TTC12: variants seen among roughly 807,000 people sequenced by gnomAD.
TTC12 encodes tetratricopeptide repeat protein 12.
TTC12 carries 70 observed loss-of-function variants against 90.1 expected under a neutral mutation model. The ratio of observed to expected loss-of-function variants is 0.78; its 90% CI spans 0.64 to 0.95. The LOEUF is 0.95. Among genes scored for constraint, TTC12 ranks in the 40% least tolerant of loss-of-function variants. TTC12 has a pLI of 0.00. For missense variants in TTC12, 819 were observed against 846.1 expected, an observed-to-expected ratio of 0.97 and a Z score of 0.40; for synonymous variants, 296 against 311.5, an observed-to-expected ratio of 0.95 and a Z score of 0.53.
downstream of TTC12, among the ~76,000 whole-genome samples, chr11:113,367,661 G>A (rs1163931449): frequency 6.6e-6 from 1 of 152,236 alleles, no homozygotes; most frequent in East Asian, 1.9e-4. Flanking sequence ...TAAGGCAGCT[G>A]TTGGCTTAAA....
intron 13 of TTC12, among the ~76,000 whole-genome samples, chr11:113,346,847 A>G (rs556868251): frequency 2.6e-5 from 4 of 152,144 alleles, no homozygotes; most frequent in South Asian, 4.2e-4. Flanking sequence ...CTCTTAGGGT[A>G]TATTGTTTAG....
chr11:113,350,355 A>G (rs868933262), intron 14 of TTC12, among the ~76,000 whole-genome samples, 190 bp downstream of exon 14: 7 of 152,170 alleles, frequency 4.6e-5, no homozygotes, highest in Admixed American at 2.0e-4. Context: ...GTCACTCTGC[A>G]TAGAGGCTGA....
chr11:113,354,127 T>C (rs1949481950), intron 16 of TTC12, among the ~76,000 whole-genome samples: 1 of 152,234 alleles, frequency 6.6e-6, no homozygotes. Flanking sequence ...TTGTGTTATC[T>C]CTGATTTCTT....
chr11:113,339,949 A>G (rs1453121196), intron 10 of TTC12, among the ~76,000 whole-genome samples: 1 of 152,116 alleles, frequency 6.6e-6, no homozygotes, highest in Non-Finnish European at 1.5e-5. Context: ...CACCTCAAGC[A>G]TCCCATACCA....
chr11:113,339,093 C>A (rs1161861175), intron 9 of TTC12, among the ~76,000 whole-genome samples, 193 bp from the exon 10 acceptor site: 3 of 152,146 alleles, frequency 2.0e-5, no homozygotes, highest in Non-Finnish European at 4.4e-5. Flanking sequence ...GAATCCCCAA[C>A]AAGGTTTAAG....
intron 12 of TTC12, 49 bp from the exon 13 acceptor site, chr11:113,344,223 T>C: frequency 6.4e-7 from 1 of 1,566,236 alleles, no homozygotes; most frequent in Middle Eastern, 1.7e-4. Context: ...AGAGCTAGTT[T>C]AATTGCCATG....
chr11:113,329,796 A>G (rs553663063), intron 6 of TTC12, 124 bp from the exon 7 acceptor site: 6 of 831,646 alleles, frequency 7.2e-6, no homozygotes, highest in Middle Eastern at 2.2e-4. Context: ...TGGCAGGACC[A>G]TGACTGATCC....
rs1949786923 is a variant in TTC12, at chr11:113,359,277, C to T, written c.1447-86C>T. 4 of 857,628 alleles carry T rather than the reference C, an allele frequency of 4.7e-6. No individual in the cohort carries two copies. In the Admixed American group the frequency reaches 7.9e-5, roughly 17 times the overall value. 53.1% of individuals were successfully genotyped at this position (857,628 alleles called of 1,614,324 possible). ...TTGGCAATTTAGGGAGTGTGGGGAA[C>T]TCTGAGACCCTTGTCCAAGGGAAAA... is the stretch of plus-strand genomic sequence containing the variant. On this transcript the variant is annotated intron_variant, in intron 16 of 21. Transcript: ENST00000529221.
At chr11:113,323,488 C>G in intron 3 of TTC12, 37 bp downstream of exon 3, 1 of 1,448,750 alleles carries the variant, frequency 6.9e-7, no homozygotes, top group African/African-American at 1.4e-5. Context: ...TAAGTACTTA[C>G]AGTGAGAAGA....
chr11:113,370,714 G>A (rs549316503), downstream of TTC12, among the ~76,000 whole-genome samples: 68 of 152,302 alleles, frequency 4.5e-4, no homozygotes, highest in African/African-American at 1.6e-3. Flanking sequence ...GTGGGCTGCC[G>A]ATTACCTCTG....
At chr11:113,360,432 A>T (rs1949862038) in intron 18 of TTC12, among the ~76,000 whole-genome samples, 4 of 152,048 alleles carry the variant, frequency 2.6e-5, no homozygotes, top group Admixed American at 2.6e-4. Context: ...CCAAGCCCAT[A>T]TTTTAAGCCA....
chr11:113,367,878 C>T (rs1950264731), downstream of TTC12, among the ~76,000 whole-genome samples: 1 of 152,196 alleles, frequency 6.6e-6, no homozygotes, highest in South Asian at 2.1e-4. Context: ...TCAGTCCTAT[C>T]ATGCAAACAA....
At chr11:113,367,387 A>G (rs1950250323), downstream of TTC12, among the ~76,000 whole-genome samples, 1 of 152,222 alleles carries the variant, frequency 6.6e-6, no homozygotes. Context: ...CCATTGTTGT[A>G]AAGGTTAAAT....
intron 13 of TTC12, among the ~76,000 whole-genome samples, chr11:113,346,778 A>G (rs1309453401): frequency 1.3e-5 from 2 of 151,844 alleles, no homozygotes; most frequent in Non-Finnish European, 2.9e-5. Context: ...AGCAACTAAC[A>G]TCAATTAAGC....
At chr11:113,341,423 T>C (rs986562109) in intron 11 of TTC12, among the ~76,000 whole-genome samples, 4 of 152,220 alleles carry the variant, frequency 2.6e-5, no homozygotes, top group African/African-American at 9.6e-5. Flanking sequence ...GCCAATCCCA[T>C]TTATAATTTC....
chr11:113,330,899 G>A (rs1555142414), intron 7 of TTC12, among the ~76,000 whole-genome samples: 1 of 152,190 alleles, frequency 6.6e-6, no homozygotes, highest in Non-Finnish European at 1.5e-5. Flanking sequence ...GGTACCAGGA[G>A]AATGTGCCAG....
intron 15 of TTC12, 107 bp from the exon 16 acceptor site, chr11:113,351,963 A>C: frequency 7.7e-7 from 1 of 1,292,530 alleles, no homozygotes; most frequent in East Asian, 2.5e-5. Flanking sequence ...ACATGAAGCT[A>C]TCTGGTTGGT....
intron 20 of TTC12, among the ~76,000 whole-genome samples, chr11:113,364,170 G>A (rs1277882341): frequency 6.6e-6 from 1 of 152,206 alleles, no homozygotes; most frequent in African/African-American, 2.4e-5. Flanking sequence ...AAGATAACAG[G>A]GTCAAAGCTA....
chr11:113,336,333 C>T (rs1482813925), intron 8 of TTC12, among the ~76,000 whole-genome samples: 1 of 152,030 alleles, frequency 6.6e-6, no homozygotes, highest in Non-Finnish European at 1.5e-5. Context: ...CTTGTATTGC[C>T]TTTTCATTTT....
Sources: gnomAD v4.1 joint callset for allele counts (sites outside exome capture counted in the v4.1 genomes callset) on GRCh38, gnomAD v4.1.1 for gene constraint, MANE v1.5 for transcripts, NCBI Gene and HGNC (gene_info 2026-07-23, HGNC 2026-07-21) for gene names.